The following HMGCS1 variants were observed in gnomAD, a reference collection of about 807,000 sequenced individuals.
HMGCS1 encodes the protein hydroxymethylglutaryl-CoA synthase, cytoplasmic.
HMGCS1 carries 9 observed loss-of-function variants against 52.3 expected under a neutral mutation model. The ratio of observed to expected loss-of-function variants is 0.17; its 90% CI spans 0.10 to 0.30. The LOEUF is 0.30. Among genes scored for constraint, HMGCS1 ranks in the 10% least tolerant of loss-of-function variants. The pLI is 1.00. For missense variants in HMGCS1, 320 were observed against 620.9 expected (o/e 0.52, Z 5.15); for synonymous variants, 176 against 214.4 (o/e 0.82, Z 1.57).
intron 2 of HMGCS1, among the ~76,000 whole-genome samples, chr5:43,303,230 C>A (rs1340319822): frequency 1.3e-5 from 2 of 152,218 alleles, no homozygotes; most frequent in African/African-American, 4.8e-5. Flanking sequence ...GGTTTCCCCA[C>A]CAAATTCATA....
chr5:43,310,801 T>C (rs1012138063), intron 1 of HMGCS1, among the ~76,000 whole-genome samples: 2 of 152,194 alleles, frequency 1.3e-5, no homozygotes, highest in Non-Finnish European at 2.9e-5. Context: ...TAGGTTTCAA[T>C]TGTTCCCAGA....
rs952334464 is a variant in HMGCS1, at chr5:43,288,641, G to A, written c.*2490C>T. The A allele has an allele frequency of 6.6e-6, 1 of 151,896 alleles. No homozygotes were observed. The highest frequency in any genetic ancestry group is 2.4e-5 in the African/African-American group (1 of 41,280). 9.4% of individuals were successfully genotyped at this position (151,896 alleles called of 1,614,324 possible). On this transcript the variant is annotated 3_prime_UTR_variant, in exon 11 of 11. Transcript: ENST00000325110. The stretch of plus-strand genomic sequence containing the variant: ...AAACACACATTCCATAAAGGAGAGG[G>A]GGAAAGATTGAATTCTTAAAGCCAT...
In HMGCS1 at chr5:43,291,089, C is replaced by A; in HGVS notation, c.*42G>T. 2 of 782,302 alleles carry A rather than the reference C, an allele frequency of 2.6e-6. No individual in the cohort carries two copies. Among genetic ancestry groups the A allele is most frequent in the Non-Finnish European group, 4.6e-6 (2 of 430,310 alleles). 48.5% of individuals were successfully genotyped at this position (782,302 alleles called of 1,614,324 possible). On this transcript the variant is annotated 3_prime_UTR_variant, in exon 11 of 11. Coordinates refer to ENST00000325110, the MANE Select transcript of HMGCS1 (RefSeq NM_001098272.3). ...TCCAACTGTTCCCATACCCCCACCC[C>A]ATGCCCACCCCACCCTGAAGTCTTG... is the stretch of plus-strand genomic sequence containing the variant.
intron 8 of HMGCS1, 21 bp downstream of exon 8, chr5:43,294,035 G>A: frequency 6.8e-7 from 1 of 1,463,106 alleles, no homozygotes. Flanking sequence ...ATACATTCTT[G>A]TTGAAAGATT....
At chr5:43,306,555 C>G (rs955886007) in intron 2 of HMGCS1, among the ~76,000 whole-genome samples, 1 of 152,184 alleles carries the variant, frequency 6.6e-6, no homozygotes, top group African/African-American at 2.4e-5. Flanking sequence ...CTGAAACTCT[C>G]TGAGCACCAA....
chr5:43,294,918 A>G (rs905767504), intron 6 of HMGCS1, 57 bp from the exon 7 acceptor site: 43 of 1,117,886 alleles, frequency 3.8e-5, no homozygotes, highest in Middle Eastern at 2.2e-4. Flanking sequence ...TTATTACACT[A>G]AACAGCAGGC....
At chr5:43,300,784 C>T (rs1754274902) in intron 2 of HMGCS1, among the ~76,000 whole-genome samples, 1 of 140,252 alleles carries the variant, frequency 7.1e-6, no homozygotes, top group African/African-American at 2.8e-5. Flanking sequence ...GATGGTGAGA[C>T]CTTGTCTATA....
chr5:43,312,707 T>C (rs1053755579), intron 1 of HMGCS1, among the ~76,000 whole-genome samples: 8 of 152,084 alleles, frequency 5.3e-5, no homozygotes, highest in East Asian at 3.9e-4. Context: ...AAAAAAAATA[T>C]GGAGGCAGGA....
At chr5:43,303,114 AAATT>A (rs1754399033) in intron 2 of HMGCS1, among the ~76,000 whole-genome samples, 1 of 152,240 alleles carries the variant, frequency 6.6e-6, no homozygotes, top group African/African-American at 2.4e-5. Context: ...GAAGCATCTT[AAATT>A]TATTACATCC....
intron 5 of HMGCS1, 78 bp from the exon 6 acceptor site, chr5:43,295,995 G>A (rs1276253667): frequency 1.1e-5 from 12 of 1,074,066 alleles, no homozygotes; most frequent in East Asian, 2.4e-5. Flanking sequence ...AATAAAGCTA[G>A]GATATTTGTA....
rs1419480082 is a variant in HMGCS1 at position 43,288,074 on chromosome 5, G to A, written c.*3057C>T. On this transcript the variant is annotated 3_prime_UTR_variant, in exon 11 of 11. Transcript: ENST00000325110. ...AGCAGGAAGAGATCAGATCCCACAG[G>A]AGTCTGCAAGGCTGAATAAGGAATA... is the stretch of plus-strand genomic sequence containing the variant. The A allele has an allele frequency of 6.6e-6, 1 of 152,218 alleles. No homozygotes were observed. The highest frequency in any genetic ancestry group is 1.5e-5 in the Non-Finnish European group (1 of 68,058). The allele number at this position is 152,218 out of a possible 1,614,324, so 9.4% of individuals were successfully genotyped here.
chr5:43,291,486 G>T (rs1386396117), intron 10 of HMGCS1, among the ~76,000 whole-genome samples: 1 of 151,972 alleles, frequency 6.6e-6, no homozygotes, highest in African/African-American at 2.4e-5. Context: ...TACTTGTTAC[G>T]TCTTGTATTT....
intron 2 of HMGCS1, among the ~76,000 whole-genome samples, chr5:43,306,167 A>G (rs1025356148): frequency 2.0e-5 from 3 of 152,224 alleles, no homozygotes; most frequent in Admixed American, 6.5e-5. Flanking sequence ...GAAACTCCAT[A>G]TGCTATTTCC....
intron 2 of HMGCS1, among the ~76,000 whole-genome samples, chr5:43,307,415 A>G (rs545754592): frequency 6.6e-5 from 10 of 152,088 alleles, no homozygotes; most frequent in Non-Finnish European, 1.3e-4. Context: ...GCCCAGATAC[A>G]TATCTTTTGA....
rs567940080 is a variant in HMGCS1 at position 43,302,968 on chromosome 5, T to C, written c.-10-3993A>G. On this transcript the variant is annotated intron_variant, in intron 2 of 10. Coordinates refer to ENST00000325110, the MANE Select transcript of HMGCS1 (RefSeq NM_001098272.3). Reference sequence around the variant, plus strand: ...ATGTGAAATTTAGCAATTCCTTATGTGTTTTTTCACTTGTGTTTTCCATCT... The same window carrying C: ...ATGTGAAATTTAGCAATTCCTTATGCGTTTTTTCACTTGTGTTTTCCATCT... Among the ~76,000 whole-genome samples the C allele has an allele frequency of 5.3e-5, 8 of 152,356 alleles. No homozygotes were observed. The East Asian group carries it at 1.2e-3, about 22-fold the overall frequency.
intron 10 of HMGCS1, among the ~76,000 whole-genome samples, chr5:43,291,930 A>G (rs1327304364): frequency 6.6e-6 from 1 of 150,978 alleles, no homozygotes; most frequent in Non-Finnish European, 1.5e-5. Context: ...TTCTCTCTAT[A>G]TCAGTCTTCC....
Position 43,298,506 on chromosome 5 carries a change from C to A in HMGCS1, c.448+12G>T. 6.2e-7 allele frequency: 1 copy of A among 1,601,340 alleles called. No individual in the cohort carries two copies. Among genetic ancestry groups the A allele is most frequent in the Non-Finnish European group, 8.5e-7 (1 of 1,170,524 alleles). On this transcript the variant is annotated intron_variant, in intron 3 of 10. Coordinates refer to ENST00000325110, the MANE Select transcript of HMGCS1 (RefSeq NM_001098272.3). The surrounding 1 kb of genome is among the most constrained non-coding windows in gnomAD (Gnocchi z 5.6). The stretch of plus-strand genomic sequence containing the variant: ...ATTTTGGGGGACGGCGGGGAATAGG[C>A]ATGTAACATACCATCCCAAGAGCTG...
chr5:43,292,505 A>T lies in HMGCS1; in HGVS notation c.1442T>A (p.Val481Glu). The T allele has an allele frequency of 1.9e-6, 3 of 1,613,742 alleles. No homozygotes were observed. Among genetic ancestry groups the T allele is most frequent in the Non-Finnish European group, 2.5e-6 (3 of 1,179,856 alleles). Residue 481 changes from valine to glutamate, a missense_variant, in exon 10 of 11, where the codon GTA (valine) becomes GAA (glutamate). Around this residue, in one of 3 missense-constraint regions of HMGCS1, gnomAD observed 213 missense variants for 337.4 expected, o/e 0.63. Coordinates refer to ENST00000325110, the MANE Select transcript of HMGCS1 (RefSeq NM_001098272.3). The part of the protein sequence containing the change: ...TPNDDTLDEG[V>E]GLVHSNIATE... ...TGCTATGTTTGAATGCACAAGTCCTACTCCTTCATCCAAAGTGTCATCATT... is the reference window on the plus strand; with the variant it reads ...TGCTATGTTTGAATGCACAAGTCCTTCTCCTTCATCCAAAGTGTCATCATT...
intron 4 of HMGCS1, 115 bp downstream of exon 4, chr5:43,297,894 A>G: frequency 6.4e-6 from 5 of 786,844 alleles, no homozygotes; most frequent in Non-Finnish European, 9.8e-6. Flanking sequence ...TAAAGCTCTT[A>G]GCAAGTAGTA....
Sources: gnomAD v4.1 joint callset for allele counts (sites outside exome capture counted in the v4.1 genomes callset) on GRCh38, gnomAD v4.1.1 for gene constraint, gnomAD v4.1.1 regional missense constraint, Gnocchi (gnomAD v3.1) non-coding constraint, MANE v1.5 for transcripts, NCBI Gene and HGNC (gene_info 2026-07-23, HGNC 2026-07-21) for gene names.